The following SYT17 variants were observed in gnomAD, a reference collection of about 807,000 sequenced individuals.
SYT17 encodes synaptotagmin-17.
A neutral mutation model predicts 46.7 loss-of-function variants in SYT17; 22 were observed. The ratio of observed to expected loss-of-function variants is 0.47; its 90% CI spans 0.34 to 0.67. The LOEUF (loss-of-function observed/expected upper bound fraction) is 0.67. Among genes scored for constraint, SYT17 ranks in the 30% least tolerant of loss-of-function variants. SYT17 has a pLI of 0.01. For missense variants in SYT17, 519 were observed against 612.8 expected (o/e 0.85, Z 1.62); for synonymous variants, 251 against 248.4 (o/e 1.01, Z -0.10).
intron 7 of SYT17, among the ~76,000 whole-genome samples, chr16:19,235,502 T>A (rs574320751): frequency 2.0e-5 from 3 of 152,330 alleles, no homozygotes; most frequent in African/African-American, 7.2e-5. Flanking sequence ...TAGAGTCTCA[T>A]AATATTAAAA....
chr16:19,232,813 C>G (rs1966749932), intron 7 of SYT17, among the ~76,000 whole-genome samples: 1 of 151,142 alleles, frequency 6.6e-6, no homozygotes, highest in Non-Finnish European at 1.5e-5. Flanking sequence ...GTCTAGGTGA[C>G]AGAGCCAGTC....
intron 3 of SYT17, among the ~76,000 whole-genome samples, chr16:19,175,767 G>T (rs948948142): frequency 1.1e-4 from 16 of 151,632 alleles, no homozygotes; most frequent in African/African-American, 3.9e-4. Context: ...AGGGAGTTTT[G>T]CCTGCCTTGT....
chr16:19,184,143 C>G lies in SYT17; in HGVS notation c.947C>G (p.Ser316Cys). ...GHWWKALIPS[S>C]QNEVELGELL... is the part of the protein sequence containing the mutation. Reference sequence around the variant, plus strand: ...TGGTGGAAGGCGCTGATTCCCAGTTCTCAGGTAAGGGATGGGTTTGTGGTG... The same window carrying G: ...TGGTGGAAGGCGCTGATTCCCAGTTGTCAGGTAAGGGATGGGTTTGTGGTG... Residue 316 changes from serine to cysteine, a missense_variant, in exon 5 of 8, where the codon TCT becomes TGT. Physicochemically the swap from Ser to Cys is moderately radical, Grantham distance 112. Transcript: ENST00000355377. 6.2e-7 allele frequency: 1 copy of G among 1,613,222 alleles called. No individual in the cohort carries two copies. Among genetic ancestry groups the G allele is most frequent in the Non-Finnish European group, 8.5e-7 (1 of 1,179,286 alleles).
At chr16:19,233,157 C>T (rs1966767606) in intron 7 of SYT17, among the ~76,000 whole-genome samples, 1 of 152,194 alleles carries the variant, frequency 6.6e-6, no homozygotes, top group Non-Finnish European at 1.5e-5. Context: ...TCTGTGAGAG[C>T]GAGTGCCAAG....
intron 4 of SYT17, among the ~76,000 whole-genome samples, 176 bp downstream of exon 4, chr16:19,180,715 C>T (rs528014728): frequency 6.6e-6 from 1 of 152,122 alleles, no homozygotes; most frequent in Non-Finnish European, 1.5e-5. Context: ...GGCATCACAC[C>T]TGATTGCTGC....
At chr16:19,231,860 G>A (rs189302282) in intron 7 of SYT17, among the ~76,000 whole-genome samples, 7 of 152,180 alleles carry the variant, frequency 4.6e-5, no homozygotes, top group African/African-American at 1.2e-4. Context: ...AGAGGCAGAC[G>A]GACATTAATT....
At chr16:19,220,930 G>T (rs1020579310) in intron 5 of SYT17, among the ~76,000 whole-genome samples, 3 of 151,994 alleles carry the variant, frequency 2.0e-5, no homozygotes, top group Non-Finnish European at 4.4e-5. Flanking sequence ...GATGGCTCAT[G>T]CCTGTTATCC....
chr16:19,192,781 A>G, intron 5 of SYT17, among the ~76,000 whole-genome samples: 1 of 152,134 alleles, frequency 6.6e-6, no homozygotes, highest in Non-Finnish European at 1.5e-5. Context: ...AATATCAAAC[A>G]GTGCGGGGTC....
intron 7 of SYT17, among the ~76,000 whole-genome samples, chr16:19,234,045 C>G (rs1476736608): frequency 6.6e-6 from 1 of 152,162 alleles, no homozygotes; most frequent in Non-Finnish European, 1.5e-5. Context: ...TTTGGCCATT[C>G]ACAGTGGTTC....
intron 5 of SYT17, among the ~76,000 whole-genome samples, chr16:19,220,126 T>G (rs777643400): frequency 6.6e-6 from 1 of 151,934 alleles, no homozygotes; most frequent in Non-Finnish European, 1.5e-5. Flanking sequence ...CCATTCCTAT[T>G]TTGAAAATCT....
chr16:19,261,236 G>A (rs1173351085), intron 7 of SYT17, among the ~76,000 whole-genome samples: 1 of 152,196 alleles, frequency 6.6e-6, no homozygotes, highest in Non-Finnish European at 1.5e-5. Flanking sequence ...CTTTCTAATA[G>A]AAGTTATTAC....
intron 5 of SYT17, among the ~76,000 whole-genome samples, chr16:19,218,630 C>A (rs1966184548): frequency 6.6e-6 from 1 of 152,178 alleles, no homozygotes; most frequent in Non-Finnish European, 1.5e-5. Flanking sequence ...ACAATTCTAT[C>A]CACACTTGAA....
chr16:19,236,203 G>T (rs1270603516), intron 7 of SYT17, among the ~76,000 whole-genome samples: 1 of 152,200 alleles, frequency 6.6e-6, no homozygotes, highest in Non-Finnish European at 1.5e-5. Context: ...GCTGGCTTCT[G>T]TGTGACTGTG....
chr16:19,222,010 G>A (rs547067775), intron 5 of SYT17, among the ~76,000 whole-genome samples: 2 of 152,006 alleles, frequency 1.3e-5, no homozygotes, highest in Non-Finnish European at 2.9e-5. Flanking sequence ...AAGATGGTGG[G>A]GTATACTCTT....
chr16:19,168,408 G>C lies in SYT17; in HGVS notation c.-239G>C. 1.7e-6 allele frequency: 1 copy of C among 575,652 alleles called. No individual in the cohort carries two copies. The highest frequency in any genetic ancestry group is 3.4e-5 in the East Asian group (1 of 29,426). 35.7% of individuals were successfully genotyped at this position (575,652 alleles called of 1,614,324 possible). On this transcript the variant is annotated 5_prime_UTR_variant, in exon 1 of 8. Coordinates refer to ENST00000355377, the MANE Select transcript of SYT17 (RefSeq NM_016524.4). The surrounding 1 kb of genome is among the most constrained non-coding windows in gnomAD (Gnocchi z 6.9). The stretch of plus-strand genomic sequence containing the variant: ...GCCGAGGCGGGGGCCCTGGGCGCCC[G>C]ATATCTCCGAACCGGGGAGGCGGCC...
At chr16:19,235,494 G>A (rs1039582837) in intron 7 of SYT17, among the ~76,000 whole-genome samples, 1 of 152,184 alleles carries the variant, frequency 6.6e-6, no homozygotes, top group African/African-American at 2.4e-5. Context: ...GCAAGACCTA[G>A]AGTCTCATAA....
intron 7 of SYT17, among the ~76,000 whole-genome samples, chr16:19,241,375 G>A (rs1398304480): frequency 6.6e-6 from 1 of 151,818 alleles, no homozygotes; most frequent in South Asian, 2.1e-4. Flanking sequence ...GCCCCCAAGA[G>A]TGCATAGATG....
chr16:19,209,493 A>G (rs1421942065), intron 5 of SYT17, among the ~76,000 whole-genome samples: 1 of 152,176 alleles, frequency 6.6e-6, no homozygotes, highest in Non-Finnish European at 1.5e-5. Context: ...CCTGACAATA[A>G]CAGACCAATA....
Position 19,223,085 on chromosome 16 carries a change from A to G in SYT17, c.992A>G (p.Tyr331Cys). The G allele has an allele frequency of 6.2e-7, 1 of 1,614,078 alleles. No individual in the cohort carries two copies. Among genetic ancestry groups the G allele is most frequent in the Non-Finnish European group, 8.5e-7 (1 of 1,179,972 alleles). The change falls in exon 6 of 8, where the codon TAT becomes TGT. Residue 331 changes from tyrosine (Y) to cysteine (C), a missense_variant. By Grantham distance (194) the Tyr-to-Cys change is radical. Coordinates refer to ENST00000355377, the MANE Select transcript of SYT17 (RefSeq NM_016524.4). ...ELGELLLSLN[Y>C]LPSAGRLNVD... is the part of the protein sequence containing the mutation. Reference sequence around the variant, plus strand: ...GGGGAGCTGCTTCTGTCACTGAATTATCTCCCAAGTGCTGGCAGACTGAAT... The same window carrying G: ...GGGGAGCTGCTTCTGTCACTGAATTGTCTCCCAAGTGCTGGCAGACTGAAT...
Sources: gnomAD v4.1 joint callset for allele counts (sites outside exome capture counted in the v4.1 genomes callset) on GRCh38, gnomAD v4.1.1 for gene constraint, Gnocchi (gnomAD v3.1) non-coding constraint, MANE v1.5 for transcripts, NCBI Gene and HGNC (gene_info 2026-07-23, HGNC 2026-07-21) for gene names.